Variants in CCDC6 observed in about 807,000 individuals in gnomAD.
CCDC6 encodes the protein coiled-coil domain-containing protein 6.
In CCDC6, 20 loss-of-function variants were observed where a neutral mutation model predicts 56.6. The observed-to-expected ratio is 0.35, with a 90% CI of 0.25 to 0.51. CCDC6 has a LOEUF of 0.51. CCDC6 is among the 20% of genes least tolerant of loss of function. The pLI, the probability that CCDC6 is intolerant of heterozygous loss-of-function variation, is 0.95. For synonymous variants in CCDC6, 241 were observed against 234.4 expected, an observed-to-expected ratio of 1.03 and a Z score of -0.26; for missense variants, 367 against 601.1, an observed-to-expected ratio of 0.61 and a Z score of 4.07.
intron 1 of CCDC6, among the ~76,000 whole-genome samples, chr10:59,903,770 C>A (rs148992179): frequency 6.6e-6 from 1 of 152,138 alleles, no homozygotes; most frequent in Non-Finnish European, 1.5e-5. Flanking sequence ...CTTAAGTCAG[C>A]GATGTCAGGG....
At position 59,906,440 on chromosome 10, in the gene CCDC6, G is replaced by A. The variant is rs777111877; in HGVS notation, c.-16C>T. 9 of 1,498,832 alleles carry A rather than the reference G, an allele frequency of 6.0e-6. No homozygotes were observed. The highest frequency in any genetic ancestry group is 5.0e-5 in the East Asian group (2 of 40,114). 92.8% of individuals were successfully genotyped at this position (1,498,832 alleles called of 1,614,324 possible). A position where few individuals can be genotyped will look rare whatever the true frequency, so the allele number is the denominator to read the frequency against. Reference sequence around the variant, plus strand: ...TGTCCGCCATGGCCGCGGCGGGCTGGGGAAAGGAGGAGGAGCAGCAGGGAG... The same window carrying A: ...TGTCCGCCATGGCCGCGGCGGGCTGAGGAAAGGAGGAGGAGCAGCAGGGAG... On this transcript the variant is annotated 5_prime_UTR_variant, in exon 1 of 9. Coordinates refer to ENST00000263102, the MANE Select transcript of CCDC6 (RefSeq NM_005436.5).
chr10:59,904,277 C>T (rs183039891), intron 1 of CCDC6, among the ~76,000 whole-genome samples: 1 of 152,270 alleles, frequency 6.6e-6, no homozygotes, highest in East Asian at 1.9e-4. Context: ...TCTTAAACAC[C>T]GGGAATGAAC....
intron 1 of CCDC6, among the ~76,000 whole-genome samples, chr10:59,875,188 G>C (rs1409668653): frequency 6.6e-6 from 1 of 152,254 alleles, no homozygotes; most frequent in Non-Finnish European, 1.5e-5. Context: ...AGATATGTTA[G>C]AAATGACTAG....
At chr10:59,904,638 T>A (rs1432909928) in intron 1 of CCDC6, among the ~76,000 whole-genome samples, 1 of 152,168 alleles carries the variant, frequency 6.6e-6, no homozygotes, top group African/African-American at 2.4e-5. Flanking sequence ...CCTCTGCAAA[T>A]TCCCCGCCCC....
At position 59,852,708 on chromosome 10, in the gene CCDC6, TAA is replaced by T. The variant is rs3215226; in HGVS notation, c.304-8_304-7del. On this transcript the variant is annotated splice_polypyrimidine_tract_variant and splice_region_variant and intron_variant, in intron 1 of 8. Transcript: ENST00000263102. ...TCCTGCTCAGCCCTGGCTTGCTGTT[TAA>T]AAAAAAAAAAGGAAAGAACAAAACA... 2.2e-3 allele frequency: 2,701 copies of T among 1,242,106 alleles called. No homozygotes were observed. Among genetic ancestry groups the T allele is most frequent in the South Asian group, 6.4e-3 (401 of 62,984 alleles). The allele number at this position is 1,242,106 out of a possible 1,614,324, so 76.9% of individuals were successfully genotyped here. A position where few individuals can be genotyped will look rare whatever the true frequency, so the allele number is the denominator to read the frequency against.
intron 2 of CCDC6, among the ~76,000 whole-genome samples, chr10:59,835,943 T>C (rs2070878600): frequency 6.6e-6 from 1 of 150,680 alleles, no homozygotes; most frequent in Non-Finnish European, 1.5e-5. Context: ...TAGTCCCAGC[T>C]ACTCAGGAGA....
At chr10:59,896,980 C>A (rs2071468553) in intron 1 of CCDC6, among the ~76,000 whole-genome samples, 1 of 152,152 alleles carries the variant, frequency 6.6e-6, no homozygotes, top group Non-Finnish European at 1.5e-5. Flanking sequence ...GGGACATAAA[C>A]CCTTACCAGG....
intron 1 of CCDC6, among the ~76,000 whole-genome samples, chr10:59,882,715 G>A (rs1287890557): frequency 6.7e-6 from 1 of 149,710 alleles, no homozygotes; most frequent in Admixed American, 6.7e-5. Flanking sequence ...AATCCCAACA[G>A]TTTGGGAGGC....
At chr10:59,873,902 T>C (rs1034598481) in intron 1 of CCDC6, among the ~76,000 whole-genome samples, 5 of 152,196 alleles carry the variant, frequency 3.3e-5, no homozygotes, top group African/African-American at 1.2e-4. Flanking sequence ...CAAGTACATC[T>C]TAAATCTTCT....
intron 7 of CCDC6, among the ~76,000 whole-genome samples, chr10:59,803,049 C>T (rs1159730486): frequency 1.3e-5 from 2 of 152,062 alleles, no homozygotes; most frequent in Non-Finnish European, 2.9e-5. Context: ...TAATGAAACC[C>T]AAGTGCTATT....
intron 1 of CCDC6, among the ~76,000 whole-genome samples, chr10:59,858,609 T>A (rs1310903302): frequency 6.6e-6 from 1 of 152,136 alleles, no homozygotes; most frequent in African/African-American, 2.4e-5. Flanking sequence ...CCCACCCCCA[T>A]CTGCAGTGGA....
chr10:59,841,724 T>TCAC (rs2070941308), intron 2 of CCDC6, among the ~76,000 whole-genome samples: 2 of 151,170 alleles, frequency 1.3e-5, no homozygotes, highest in South Asian at 4.2e-4. Context: ...CTGGAGTGCG[T>TCAC]TGGCGTGATC....
intron 2 of CCDC6, among the ~76,000 whole-genome samples, chr10:59,845,072 A>G (rs1476041702): frequency 6.6e-6 from 1 of 152,208 alleles, no homozygotes; most frequent in African/African-American, 2.4e-5. Context: ...AAAGTTTTAA[A>G]GTTATTTTAA....
In CCDC6 at chr10:59,796,432, GA is replaced by G. The variant is rs747466578; in HGVS notation, c.1106-1836del. On this transcript the variant is annotated intron_variant, in intron 7 of 8. Transcript: ENST00000263102. ...CTCCCAATTTGTAGGTTGTATAAAA[GA>G]AAAAAAAAGGTAACAAGTGGTGGTG... is the stretch of plus-strand genomic sequence containing the variant. 8.7e-3 allele frequency among the ~76,000 whole-genome samples: 1,298 copies of G among 149,630 alleles called. 9 individuals carry two copies. The highest frequency in any genetic ancestry group is 0.015 in the Non-Finnish European group (978 of 67,314).
chr10:59,896,627 C>G (rs2071465933), intron 1 of CCDC6, among the ~76,000 whole-genome samples: 1 of 149,208 alleles, frequency 6.7e-6, no homozygotes, highest in African/African-American at 2.5e-5. Context: ...CAAAAACAAA[C>G]AAACAAAAAA....
chr10:59,824,502 G>A (rs1313828102), intron 3 of CCDC6, among the ~76,000 whole-genome samples: 1 of 152,192 alleles, frequency 6.6e-6, no homozygotes, highest in Non-Finnish European at 1.5e-5. Flanking sequence ...TCAGGCAACT[G>A]AAACATCACT....
intron 1 of CCDC6, among the ~76,000 whole-genome samples, chr10:59,882,686 A>C (rs1048469335): frequency 7.4e-6 from 1 of 134,884 alleles, no homozygotes; most frequent in Non-Finnish European, 1.6e-5. Context: ...ACTGGCCAGG[A>C]GCAGTGGCTC....
At chr10:59,825,914 G>T (rs7088755) in intron 3 of CCDC6, among the ~76,000 whole-genome samples, 26,380 of 152,022 alleles carry the variant, frequency 0.17, 3,077 homozygotes, top group African/African-American at 0.33. Flanking sequence ...TTGTCCTGAG[G>T]ATTCAAATTC....
intron 7 of CCDC6, among the ~76,000 whole-genome samples, chr10:59,801,717 T>C (rs1367004634): frequency 1.3e-5 from 2 of 152,188 alleles, no homozygotes; most frequent in African/African-American, 2.4e-5. Context: ...TTCATATCAG[T>C]ATGGACTTTG....
Sources: allele counts gnomAD v4.1 joint callset (sites outside exome capture counted in the v4.1 genomes callset), GRCh38; gene constraint gnomAD v4.1.1; transcripts MANE v1.5; gene names NCBI Gene and HGNC (gene_info 2026-07-23, HGNC 2026-07-21).